Variants in BOLL observed in about 807,000 individuals in gnomAD.
The protein encoded by BOLL is boule RNA binding protein, also known as protein boule-like.
In BOLL, 23 loss-of-function variants were observed where a neutral mutation model predicts 44.4. The ratio of observed to expected loss-of-function variants is 0.52; its 90% CI spans 0.37 to 0.73. BOLL has a LOEUF of 0.73. BOLL is among the 30% of genes least tolerant of loss of function. The pLI is 0.00. For missense variants in BOLL, 287 were observed against 338.3 expected, an observed-to-expected ratio of 0.85 and a Z score of 1.19; for synonymous variants, 97 against 110.8, an observed-to-expected ratio of 0.88 and a Z score of 0.78.
chr2:197,770,734 G>T (rs562465514), intron 6 of BOLL, among the ~76,000 whole-genome samples: 3 of 152,126 alleles, frequency 2.0e-5, no homozygotes, highest in Admixed American at 2.0e-4. Context: ...GCAGCCAAAA[G>T]ACACATGAAA....
intron 4 of BOLL, among the ~76,000 whole-genome samples, chr2:197,776,217 T>G (rs1429826497): frequency 1.3e-5 from 2 of 151,922 alleles, no homozygotes; most frequent in East Asian, 1.9e-4. Context: ...TGTTGGTGAT[T>G]TGGCTATTTA....
intron 7 of BOLL, 27 bp downstream of exon 7, chr2:197,766,505 A>G (rs754618901): frequency 6.4e-7 from 1 of 1,558,952 alleles, no homozygotes; most frequent in South Asian, 1.1e-5. Context: ...AGTTTCAGAG[A>G]GAATTTTAAT....
At chr2:197,786,026 C>G (rs1189536225), upstream of BOLL, 2 of 1,610,310 alleles carry the variant, frequency 1.2e-6, no homozygotes, top group African/African-American at 1.3e-5. This position sits in a 1 kb window ranked among gnomAD's most constrained non-coding sequence, Gnocchi z 5.9. Context: ...TCTTCAGAGA[C>G]GCGGGGTAGG....
intron 6 of BOLL, among the ~76,000 whole-genome samples, chr2:197,767,361 C>T (rs1689045167): frequency 1.3e-5 from 2 of 151,852 alleles, no homozygotes; most frequent in Admixed American, 6.6e-5. Context: ...ACCCCCGAAA[C>T]TGAGGAAAAG....
At chr2:197,772,919 T>G (rs1431811265) in intron 5 of BOLL, among the ~76,000 whole-genome samples, 1 of 151,952 alleles carries the variant, frequency 6.6e-6, no homozygotes, top group African/African-American at 2.4e-5. Flanking sequence ...TCAGAGATTT[T>G]GAGTCAGTAA....
rs112618293 is a variant in BOLL at position 197,728,362 on chromosome 2, T to C, written c.*193A>G. 2.0e-3 allele frequency: 1,620 copies of C among 818,456 alleles called. 23 individuals carry two copies. In the African/African-American group the frequency reaches 0.025, roughly 13 times the overall value. 50.7% of individuals were successfully genotyped at this position (818,456 alleles called of 1,614,324 possible). Reference sequence around the variant, plus strand: ...TGCCACATCTACCTAAATAATTTTGTAGAACAGCTGAAAAAGCAAATTTCA... The same window carrying C: ...TGCCACATCTACCTAAATAATTTTGCAGAACAGCTGAAAAAGCAAATTTCA... On this transcript the variant is annotated 3_prime_UTR_variant, in exon 11 of 11. Coordinates refer to ENST00000392296, the MANE Select transcript of BOLL (RefSeq NM_033030.6).
At chr2:197,771,184 C>A (rs181193774) in intron 6 of BOLL, among the ~76,000 whole-genome samples, 1 of 151,890 alleles carries the variant, frequency 6.6e-6, no homozygotes, top group East Asian at 1.9e-4. Context: ...AGGATGAGTT[C>A]GTGTGCTTTG....
intron 9 of BOLL, among the ~76,000 whole-genome samples, chr2:197,750,495 T>A (rs1688190395): frequency 6.6e-6 from 1 of 152,130 alleles, no homozygotes; most frequent in Non-Finnish European, 1.5e-5. Flanking sequence ...GGGGTTGTAA[T>A]CCTAGTCTCT....
At chr2:197,729,419 G>A (rs1687031725) in intron 10 of BOLL, among the ~76,000 whole-genome samples, 1 of 152,208 alleles carries the variant, frequency 6.6e-6, no homozygotes, top group Non-Finnish European at 1.5e-5. Context: ...GGCTTGATTA[G>A]GTAAACAAAG....
chr2:197,733,848 C>T (rs1367158613), intron 10 of BOLL, among the ~76,000 whole-genome samples: 2 of 152,106 alleles, frequency 1.3e-5, no homozygotes, highest in Admixed American at 6.6e-5. Flanking sequence ...AGACGTAAAA[C>T]CATAAAAACC....
At chr2:197,758,367 A>G (rs1559406169) in intron 7 of BOLL, among the ~76,000 whole-genome samples, 1 of 152,240 alleles carries the variant, frequency 6.6e-6, no homozygotes, top group African/African-American at 2.4e-5. Flanking sequence ...CATGACATAG[A>G]TAAATCTTGA....
At chr2:197,743,525 G>A (rs1425906664) in intron 9 of BOLL, among the ~76,000 whole-genome samples, 3 of 152,158 alleles carry the variant, frequency 2.0e-5, no homozygotes, top group African/African-American at 7.2e-5. Context: ...GTAATTGTGT[G>A]TAAGGGGTTG....
intron 10 of BOLL, among the ~76,000 whole-genome samples, chr2:197,742,109 A>G (rs1687768195): frequency 1.3e-5 from 2 of 152,234 alleles, no homozygotes; most frequent in Admixed American, 6.5e-5. Context: ...CAAAACCACA[A>G]TGAGATACCA....
At chr2:197,756,681 C>T in intron 8 of BOLL, 125 bp from the exon 9 acceptor site, 1 of 828,460 alleles carries the variant, frequency 1.2e-6, no homozygotes, top group Non-Finnish European at 1.7e-6. Flanking sequence ...TTAGGAATAG[C>T]ACAGAAGTAT....
intron 6 of BOLL, among the ~76,000 whole-genome samples, chr2:197,771,352 T>A (rs1321802729): frequency 4.4e-5 from 3 of 67,972 alleles, no homozygotes; most frequent in African/African-American, 1.2e-4. Context: ...TGTTGTGGGG[T>A]GGGGGGAGGG....
intron 10 of BOLL, among the ~76,000 whole-genome samples, chr2:197,742,742 C>G (rs1030511766): frequency 6.6e-6 from 1 of 151,858 alleles, no homozygotes; most frequent in Non-Finnish European, 1.5e-5. Flanking sequence ...TTCAGTACAC[C>G]AACATGGCAC....
At chr2:197,731,724 T>C (rs1022384679) in intron 10 of BOLL, among the ~76,000 whole-genome samples, 1 of 151,654 alleles carries the variant, frequency 6.6e-6, no homozygotes, top group Non-Finnish European at 1.5e-5. Flanking sequence ...ACTGGGTACA[T>C]AACAAAATGA....
intron 7 of BOLL, 85 bp downstream of exon 7, chr2:197,766,447 A>T: frequency 9.1e-7 from 1 of 1,095,516 alleles, no homozygotes; most frequent in Non-Finnish European, 1.4e-6. Flanking sequence ...TTAGCAAAGT[A>T]GTTGCATGAG....
chr2:197,733,634 A>G (rs1433562539), intron 10 of BOLL, among the ~76,000 whole-genome samples: 1 of 152,220 alleles, frequency 6.6e-6, no homozygotes, highest in Admixed American at 6.5e-5. Flanking sequence ...ATGGAACAGA[A>G]CAGAGCCCTC....
Sources: allele counts gnomAD v4.1 joint callset (sites outside exome capture counted in the v4.1 genomes callset), GRCh38; gene constraint gnomAD v4.1.1; non-coding constraint Gnocchi (gnomAD v3.1); transcripts MANE v1.5; gene names NCBI Gene and HGNC (gene_info 2026-07-23, HGNC 2026-07-21).